The following TFCP2L1 variants were observed in gnomAD, a reference collection of about 807,000 sequenced individuals.
TFCP2L1 encodes transcription factor CP2 like 1.
Under a neutral mutation model 72.2 loss-of-function variants are expected in TFCP2L1, and 12 were observed. That is an observed-to-expected ratio of 0.17 (90% confidence interval 0.11 to 0.27). The LOEUF (loss-of-function observed/expected upper bound fraction) is 0.27, where lower values mean the gene tolerates loss of function less well. Ranked by LOEUF, TFCP2L1 falls within the 10% of genes least tolerant of loss-of-function variation. The probability of loss-of-function intolerance (pLI) is 1.00; values close to 1 mark genes in which losing one functional copy is unlikely to be tolerated. For missense variants in TFCP2L1, 488 were observed against 624.6 expected (o/e 0.78, Z 2.33); for synonymous variants, 260 against 251.0 (o/e 1.04, Z -0.34).
chr2:121,226,164 G>A (rs1021873627), intron 13 of TFCP2L1, among the ~76,000 whole-genome samples: 2 of 152,092 alleles, frequency 1.3e-5, no homozygotes, highest in Non-Finnish European at 2.9e-5. Context: ...ACGGGAATGC[G>A]GTAAACACCA....
At chr2:121,282,707 C>G (rs1558749746) in intron 1 of TFCP2L1, among the ~76,000 whole-genome samples, 1 of 152,136 alleles carries the variant, frequency 6.6e-6, no homozygotes, top group Non-Finnish European at 1.5e-5. Flanking sequence ...CTTGATAACC[C>G]TCTTCCCTTC....
At chr2:121,238,830 CTCCT>C (rs1342184138) in intron 8 of TFCP2L1, among the ~76,000 whole-genome samples, 7 of 152,038 alleles carry the variant, frequency 4.6e-5, no homozygotes, top group African/African-American at 1.7e-4. Flanking sequence ...TCCCTGGGGA[CTCCT>C]TGGTAAAATC....
intron 2 of TFCP2L1, among the ~76,000 whole-genome samples, chr2:121,259,186 G>A (rs953977800): frequency 1.3e-5 from 2 of 152,106 alleles, no homozygotes; most frequent in Non-Finnish European, 2.9e-5. Flanking sequence ...GGGAGGCTGA[G>A]GTAGGACAAT....
At chr2:121,244,907 G>A (rs1406752174) in intron 6 of TFCP2L1, among the ~76,000 whole-genome samples, 1 of 152,174 alleles carries the variant, frequency 6.6e-6, no homozygotes, top group African/African-American at 2.4e-5. Context: ...AGGACCGGCA[G>A]ATCCCAGAGC....
At chr2:121,264,799 C>G (rs1686897227) in intron 2 of TFCP2L1, among the ~76,000 whole-genome samples, 1 of 152,224 alleles carries the variant, frequency 6.6e-6, no homozygotes, top group Admixed American at 6.5e-5. Flanking sequence ...TACCCATACC[C>G]TCTCCATCAT....
intron 4 of TFCP2L1, 54 bp downstream of exon 4, chr2:121,248,928 A>G (rs1234165679): frequency 2.9e-6 from 4 of 1,401,002 alleles, no homozygotes; most frequent in Non-Finnish European, 3.8e-6. Flanking sequence ...GAAGAACCCA[A>G]TGTGGCCTGG....
At chr2:121,263,970 G>C (rs954577913) in intron 2 of TFCP2L1, among the ~76,000 whole-genome samples, 1 of 152,172 alleles carries the variant, frequency 6.6e-6, no homozygotes, top group Non-Finnish European at 1.5e-5. Context: ...AAGAAAAAAA[G>C]CCTGCCCTGT....
At chr2:121,257,562 A>G (rs1558739618) in intron 2 of TFCP2L1, among the ~76,000 whole-genome samples, 1 of 152,320 alleles carries the variant, frequency 6.6e-6, no homozygotes, top group East Asian at 1.9e-4. Context: ...GTGCTCAACT[A>G]AACTTTGTGC....
At chr2:121,269,907 T>TCAAAAAAAAAAAAAAAAAA (rs750107740) in intron 2 of TFCP2L1, among the ~76,000 whole-genome samples, 12 of 77,510 alleles carry the variant, frequency 1.5e-4, no homozygotes, top group African/African-American at 6.1e-4. Flanking sequence ...AGACTCCATC[T>TCAAAAAAAAAAAAAAAAAA]AAAAAAAAAA....
At chr2:121,260,522 G>A (rs1686811561) in intron 2 of TFCP2L1, among the ~76,000 whole-genome samples, 1 of 152,220 alleles carries the variant, frequency 6.6e-6, no homozygotes, top group Non-Finnish European at 1.5e-5. Flanking sequence ...ACAGGTCACT[G>A]TATTCCGTGC....
At chr2:121,247,273 C>T (rs1232655918) in intron 5 of TFCP2L1, among the ~76,000 whole-genome samples, 1 of 152,172 alleles carries the variant, frequency 6.6e-6, no homozygotes, top group African/African-American at 2.4e-5. Flanking sequence ...TAACTCCTCA[C>T]CCAGATTCCT....
chr2:121,229,042 C>G (rs1360212046), intron 13 of TFCP2L1, among the ~76,000 whole-genome samples: 1 of 152,220 alleles, frequency 6.6e-6, no homozygotes, highest in African/African-American at 2.4e-5. Flanking sequence ...GGCTCAGCCT[C>G]CCGAATAGCT....
At chr2:121,255,707 T>C (rs1686701500) in intron 2 of TFCP2L1, among the ~76,000 whole-genome samples, 1 of 152,040 alleles carries the variant, frequency 6.6e-6, no homozygotes, top group Admixed American at 6.6e-5. Context: ...CTGGCTCCAA[T>C]ATTCAAGGAG....
At chr2:121,240,474 ATT>A in intron 7 of TFCP2L1, 3 of 985,408 alleles carry the variant, frequency 3.0e-6, no homozygotes, top group Non-Finnish European at 3.6e-6. Flanking sequence ...GTTGGTAAAT[ATT>A]TAAGTATTGT....
chr2:121,266,161 A>G (rs551572269), intron 2 of TFCP2L1, among the ~76,000 whole-genome samples: 4 of 148,090 alleles, frequency 2.7e-5, no homozygotes, highest in African/African-American at 1.0e-4. Context: ...TTTTTTTAAT[A>G]GTTTTTTTTT....
intron 2 of TFCP2L1, among the ~76,000 whole-genome samples, chr2:121,278,602 C>T (rs770195070): frequency 2.0e-5 from 3 of 151,352 alleles, no homozygotes; most frequent in Non-Finnish European, 4.4e-5. Context: ...AGGACAATCG[C>T]TTGAACCCAG....
At chr2:121,245,545 C>A (rs1381373066) in intron 6 of TFCP2L1, among the ~76,000 whole-genome samples, 1 of 152,220 alleles carries the variant, frequency 6.6e-6, no homozygotes, top group Non-Finnish European at 1.5e-5. Context: ...GGGCCCACAT[C>A]ACTGACTAAC....
chr2:121,249,522 T>C, intron 3 of TFCP2L1, 49 bp downstream of exon 3: 1 of 1,592,508 alleles, frequency 6.3e-7, no homozygotes, highest in South Asian at 1.1e-5. Context: ...GCCCAGACCC[T>C]AATCAAGCCC....
At position 121,235,230 on chromosome 2, in the gene TFCP2L1, A is replaced by G. The variant is rs573878986; in HGVS notation, c.1085T>C (p.Ile362Thr). ...PADGIRLFNAIKGRNVRPKMT... is the reference protein window; with the variant it reads ...PADGIRLFNATKGRNVRPKMT... ...AGAAACCAACACCTACCGGCCTTTGATGGCGTTGAAGAGCCGGATCCCATC... is the reference window on the plus strand; with the variant it reads ...AGAAACCAACACCTACCGGCCTTTGGTGGCGTTGAAGAGCCGGATCCCATC... The change falls in exon 11 of 15, where the codon ATC becomes ACC. Residue 362 changes from isoleucine to threonine, a missense_variant. Around this residue, in one of 3 missense-constraint regions of TFCP2L1, gnomAD observed 286 missense variants for 329.0 expected, o/e 0.87. Transcript: ENST00000263707. 2.5e-6 allele frequency: 4 copies of G among 1,614,170 alleles called. No homozygotes were observed. In the African/African-American group the frequency reaches 5.3e-5, roughly 22 times the overall value.
Sources: gnomAD v4.1 joint callset for allele counts (sites outside exome capture counted in the v4.1 genomes callset) on GRCh38, gnomAD v4.1.1 for gene constraint, gnomAD v4.1.1 regional missense constraint, MANE v1.5 for transcripts, NCBI Gene and HGNC (gene_info 2026-07-23, HGNC 2026-07-21) for gene names.